The following NLGN1 variants were observed in gnomAD, a reference collection of about 807,000 sequenced individuals.
NLGN1 encodes the protein neuroligin-1.
NLGN1 carries 12 observed loss-of-function variants against 65.5 expected under a neutral mutation model. The observed-to-expected ratio is 0.18, with a 90% CI of 0.12 to 0.30. The LOEUF (loss-of-function observed/expected upper bound fraction) is 0.30. Ranked by LOEUF, NLGN1 falls within the 10% of genes least tolerant of loss-of-function variation. The probability of loss-of-function intolerance (pLI) is 1.00; values close to 1 mark genes in which losing one functional copy is unlikely to be tolerated. For synonymous variants in NLGN1, 350 were observed against 359.5 expected, an observed-to-expected ratio of 0.97 and a Z score of 0.30; for missense variants, 750 against 1,007.1, an observed-to-expected ratio of 0.74 and a Z score of 3.46.
intron 2 of NLGN1, among the ~76,000 whole-genome samples, chr3:173,568,621 C>T (rs527766777): frequency 3.9e-4 from 59 of 152,160 alleles, no homozygotes; most frequent in African/African-American, 1.3e-3. Context: ...GAAACAAAAA[C>T]AAAACAAATT....
At chr3:174,005,387 G>A (rs537688951) in intron 4 of NLGN1, among the ~76,000 whole-genome samples, 1 of 152,188 alleles carries the variant, frequency 6.6e-6, no homozygotes, top group South Asian at 2.1e-4. Context: ...TGTATCTCTA[G>A]ATTCTAATGT....
At chr3:173,635,587 G>A (rs947885820) in intron 3 of NLGN1, among the ~76,000 whole-genome samples, 1 of 152,020 alleles carries the variant, frequency 6.6e-6, no homozygotes, top group Non-Finnish European at 1.5e-5. Flanking sequence ...AATGATTTCA[G>A]GAAACACGTT....
chr3:174,018,202 C>T (rs1053024369), intron 4 of NLGN1, among the ~76,000 whole-genome samples: 2 of 152,146 alleles, frequency 1.3e-5, no homozygotes, highest in Non-Finnish European at 2.9e-5. Flanking sequence ...ATGGTTATCT[C>T]CCTTGTTCCC....
At chr3:173,437,503 G>A (rs1718352694) in intron 2 of NLGN1, among the ~76,000 whole-genome samples, 1 of 152,158 alleles carries the variant, frequency 6.6e-6, no homozygotes, top group Non-Finnish European at 1.5e-5. Context: ...TGCTCCTCCT[G>A]CTTTTGAACG....
intron 2 of NLGN1, among the ~76,000 whole-genome samples, chr3:173,497,360 C>T (rs1004472666): frequency 1.3e-5 from 2 of 151,120 alleles, no homozygotes; most frequent in East Asian, 1.9e-4. Context: ...TGCACTCCAG[C>T]CTGGGCGACA....
intron 4 of NLGN1, among the ~76,000 whole-genome samples, chr3:173,876,983 A>G (rs35842459): frequency 0.021 from 3,271 of 152,264 alleles, 62 homozygotes; most frequent in Non-Finnish European, 0.036. Flanking sequence ...AGCCAAGTGG[A>G]TATTCAAATT....
At position 173,528,689 on chromosome 3, in the gene NLGN1, A is replaced by G. The variant is rs147985166; in HGVS notation, c.-320-75590A>G. 4.3e-3 allele frequency among the ~76,000 whole-genome samples: 658 copies of G among 152,264 alleles called. 2 individuals are homozygous for G. The Middle Eastern group carries it at 0.044, about 10-fold the overall frequency. Reference sequence around the variant, plus strand: ...CTAACTGGGTTAATTTGAAAGACCAATCTTCGAGCTCTGAAATGATTTCTT... The same window carrying G: ...CTAACTGGGTTAATTTGAAAGACCAGTCTTCGAGCTCTGAAATGATTTCTT... On this transcript the variant is annotated intron_variant, in intron 2 of 6. Coordinates refer to ENST00000457714, the Ensembl canonical transcript of NLGN1.
chr3:174,158,227 C>T (rs1006494951), intron 4 of NLGN1, among the ~76,000 whole-genome samples: 1 of 151,726 alleles, frequency 6.6e-6, no homozygotes, highest in Non-Finnish European at 1.5e-5. Flanking sequence ...TAAAATTTCA[C>T]ACGTTTCTCA....
At chr3:173,647,355 AT>A (rs1758436601) in intron 3 of NLGN1, among the ~76,000 whole-genome samples, 1 of 152,132 alleles carries the variant, frequency 6.6e-6, no homozygotes, top group African/African-American at 2.4e-5. Context: ...TAATTGACAT[AT>A]ATATAAAACA....
At chr3:174,169,283 G>A (rs1055938809) in intron 4 of NLGN1, among the ~76,000 whole-genome samples, 6 of 152,184 alleles carry the variant, frequency 3.9e-5, no homozygotes, top group African/African-American at 1.4e-4. Context: ...CTGAATGCCA[G>A]AGGATCTGCC....
chr3:174,059,900 T>A (rs1034397025), intron 4 of NLGN1, among the ~76,000 whole-genome samples: 4 of 152,166 alleles, frequency 2.6e-5, no homozygotes, highest in Admixed American at 2.6e-4. Context: ...TATTTCACAC[T>A]CTGCATCTAA....
At chr3:174,142,730 T>A (rs527924167) in intron 4 of NLGN1, among the ~76,000 whole-genome samples, 1 of 152,276 alleles carries the variant, frequency 6.6e-6, no homozygotes, top group South Asian at 2.1e-4. Flanking sequence ...GAAATAGGAA[T>A]CAGGATGAAG....
At position 174,179,620 on chromosome 3, in the gene NLGN1, T is replaced by C. The variant is rs541413213; in HGVS notation, c.647-95695T>C. On this transcript the variant is annotated intron_variant, in intron 4 of 6. Transcript: ENST00000457714. The stretch of plus-strand genomic sequence containing the variant: ...TTTCATAGATTTTTAAAGAATTCCA[T>C]GTTAACTCTGGAGAGGAAGGAGTAC... 3.9e-5 allele frequency among the ~76,000 whole-genome samples: 6 copies of C among 152,240 alleles called. No individual in the cohort carries two copies. The East Asian group carries it at 1.2e-3, about 29-fold the overall frequency.
At chr3:173,797,870 T>G (rs1400499991) in intron 3 of NLGN1, among the ~76,000 whole-genome samples, 1 of 152,008 alleles carries the variant, frequency 6.6e-6, no homozygotes, top group Admixed American at 6.6e-5. Flanking sequence ...TGACAACAAT[T>G]CTCTTACTGT....
intron 4 of NLGN1, among the ~76,000 whole-genome samples, chr3:173,970,945 T>G (rs996038576): frequency 6.6e-6 from 1 of 152,062 alleles, no homozygotes; most frequent in African/African-American, 2.4e-5. Context: ...ATTTTGGTGT[T>G]TTAGACGTGT....
intron 3 of NLGN1, among the ~76,000 whole-genome samples, chr3:173,769,800 G>T (rs1779317885): frequency 6.6e-6 from 1 of 152,148 alleles, no homozygotes; most frequent in African/African-American, 2.4e-5. Flanking sequence ...GGGTCTTACT[G>T]GTTATAATTT....
chr3:174,082,812 C>G (rs1212224080), intron 4 of NLGN1, among the ~76,000 whole-genome samples: 1 of 152,012 alleles, frequency 6.6e-6, no homozygotes, highest in Admixed American at 6.6e-5. Flanking sequence ...CCTCCGCCTC[C>G]CAGGTTCAAG....
chr3:174,009,949 C>A (rs963147403), intron 4 of NLGN1, among the ~76,000 whole-genome samples: 1 of 152,008 alleles, frequency 6.6e-6, no homozygotes, highest in Non-Finnish European at 1.5e-5. Context: ...GGTGATGCTA[C>A]GTGAAGAGCA....
intron 4 of NLGN1, among the ~76,000 whole-genome samples, chr3:173,930,661 G>A (rs1336187803): frequency 1.3e-5 from 2 of 152,162 alleles, no homozygotes; most frequent in Non-Finnish European, 2.9e-5. Flanking sequence ...TTAAGAAAAT[G>A]AAGTGTTAAT....
Sources: allele counts gnomAD v4.1 joint callset (sites outside exome capture counted in the v4.1 genomes callset), GRCh38; gene constraint gnomAD v4.1.1; transcripts MANE v1.5; gene names NCBI Gene and HGNC (gene_info 2026-07-23, HGNC 2026-07-21).